The following CSNK1G1 variants were observed in gnomAD, a reference collection of about 807,000 sequenced individuals.
CSNK1G1 encodes casein kinase I isoform gamma-1.
A neutral mutation model predicts 59.6 loss-of-function variants in CSNK1G1; 22 were observed. The observed-to-expected ratio is 0.37, with a 90% CI of 0.26 to 0.53. The LOEUF (loss-of-function observed/expected upper bound fraction) is 0.53. CSNK1G1 is among the 20% of genes least tolerant of loss of function. CSNK1G1 has a pLI of 0.89. For synonymous variants in CSNK1G1, 179 were observed against 177.1 expected, an observed-to-expected ratio of 1.01 and a Z score of -0.08; for missense variants, 384 against 519.5, an observed-to-expected ratio of 0.74 and a Z score of 2.54.
intron 2 of CSNK1G1, among the ~76,000 whole-genome samples, chr15:64,266,369 C>T (rs933043138): frequency 2.6e-5 from 4 of 152,008 alleles, no homozygotes; most frequent in African/African-American, 9.7e-5. Flanking sequence ...AGCCACCACA[C>T]CCAGCCCCTG....
intron 3 of CSNK1G1, among the ~76,000 whole-genome samples, chr15:64,258,541 T>A (rs1386883237): frequency 6.6e-6 from 1 of 152,188 alleles, no homozygotes; most frequent in Non-Finnish European, 1.5e-5. Context: ...ACACAGAGTT[T>A]CAGTGAAACT....
intron 2 of CSNK1G1, among the ~76,000 whole-genome samples, chr15:64,300,016 C>A (rs1260955597): frequency 6.6e-6 from 1 of 152,116 alleles, no homozygotes; most frequent in Admixed American, 6.6e-5. Context: ...TGGGGCTCCA[C>A]CTCAGACATC....
chr15:64,238,524 T>A lies in CSNK1G1; in HGVS notation c.292+12988A>T, dbSNP rs866998693. Among the ~76,000 whole-genome samples the A allele has an allele frequency of 7.5e-3, 839 of 112,116 alleles. 2 individuals are homozygous for A. The highest frequency in any genetic ancestry group is 0.011 in the Non-Finnish European group (639 of 57,570). 73.6% of individuals were successfully genotyped at this position (112,116 alleles called of 152,430 possible). ...AAAAAAAAAAAAAAAAAAAAATATA[T>A]ATATATATATATATATATATGAAAA... On this transcript the variant is annotated intron_variant, in intron 4 of 11. Transcript: ENST00000303052.
chr15:64,306,534 T>C (rs935842384), intron 1 of CSNK1G1, among the ~76,000 whole-genome samples: 2 of 152,144 alleles, frequency 1.3e-5, no homozygotes, highest in Admixed American at 6.6e-5. Context: ...TCACTGCTGG[T>C]GAGAATGCAA....
chr15:64,205,012 G>T, intron 7 of CSNK1G1, 63 bp from the exon 8 acceptor site: 1 of 927,696 alleles, frequency 1.1e-6, no homozygotes, highest in Non-Finnish European at 1.7e-6. Flanking sequence ...GATTCAATAT[G>T]TTTTTGGACA....
intron 4 of CSNK1G1, among the ~76,000 whole-genome samples, chr15:64,243,122 G>A (rs1330749428): frequency 2.0e-5 from 3 of 152,092 alleles, no homozygotes; most frequent in Non-Finnish European, 2.9e-5. Context: ...CGGATCATGA[G>A]GTCAAGAGAT....
chr15:64,240,794 G>C (rs1370732812), intron 4 of CSNK1G1, among the ~76,000 whole-genome samples: 1 of 152,086 alleles, frequency 6.6e-6, no homozygotes, highest in Non-Finnish European at 1.5e-5. Context: ...AGAGAATCCT[G>C]CATCTGGAGG....
At chr15:64,195,391 G>A (rs578055964) in intron 10 of CSNK1G1, among the ~76,000 whole-genome samples, 5 of 152,290 alleles carry the variant, frequency 3.3e-5, no homozygotes, top group East Asian at 3.9e-4. Flanking sequence ...CAGAGAAAAA[G>A]GAGACGCTAT....
At chr15:64,346,422 TTTTATTTATTTATTTATTTA>T (rs140857936) in intron 1 of CSNK1G1, among the ~76,000 whole-genome samples, 76 of 137,512 alleles carry the variant, frequency 5.5e-4, no homozygotes, top group African/African-American at 5.7e-4. Flanking sequence ...GGAAACGAGT[TTTTATTTATTTATTTATTTA>T]TTTATTTATT....
chr15:64,240,365 G>T (rs187344650), intron 4 of CSNK1G1, among the ~76,000 whole-genome samples: 20 of 152,292 alleles, frequency 1.3e-4, no homozygotes, highest in Non-Finnish European at 1.5e-5. Flanking sequence ...AAAAGGCATA[G>T]AAAACCTATT....
At chr15:64,221,395 C>G (rs1020240264) in intron 4 of CSNK1G1, among the ~76,000 whole-genome samples, 45 of 152,110 alleles carry the variant, frequency 3.0e-4, no homozygotes, top group African/African-American at 9.4e-4. Flanking sequence ...TGAGTAATAT[C>G]TACAATTTCT....
Position 64,181,412 on chromosome 15 carries a change from T to A in CSNK1G1, c.1108-958A>T, listed in dbSNP as rs556501325. The A allele has an allele frequency of 3.2e-5, 49 of 1,531,916 alleles. No individual in the cohort carries two copies. The South Asian group carries it at 5.3e-4, about 17-fold the overall frequency. The allele number at this position is 1,531,916 out of a possible 1,614,324, so 94.9% of individuals were successfully genotyped here. On this transcript the variant is annotated intron_variant, in intron 10 of 11. Coordinates refer to ENST00000303052, the MANE Select transcript of CSNK1G1 (RefSeq NM_022048.5). ...GGCCTCACTGCTGGACAAAACACTC[T>A]GCTTGTTAAAGACCTTGGCTGAAAC...
chr15:64,179,605 T>C (rs1258589580), intron 11 of CSNK1G1, among the ~76,000 whole-genome samples: 1 of 152,184 alleles, frequency 6.6e-6, no homozygotes, highest in Non-Finnish European at 1.5e-5. Flanking sequence ...TAAATCTGGA[T>C]CTAAATTTGG....
chr15:64,198,496 T>C (rs1405886475), intron 10 of CSNK1G1, among the ~76,000 whole-genome samples: 1 of 152,002 alleles, frequency 6.6e-6, no homozygotes, highest in African/African-American at 2.4e-5. Context: ...GTGAGCCACC[T>C]TCCCTGGCCC....
At chr15:64,191,250 C>T (rs2081966868) in intron 10 of CSNK1G1, among the ~76,000 whole-genome samples, 1 of 152,020 alleles carries the variant, frequency 6.6e-6, no homozygotes, top group Non-Finnish European at 1.5e-5. Context: ...TTAGTAGAGA[C>T]GCGGTTTCCC....
chr15:64,188,541 A>C lies in CSNK1G1; in HGVS notation c.1108-8087T>G. The C allele has an allele frequency of 7.7e-7, 1 of 1,294,942 alleles. No homozygotes were observed. Among genetic ancestry groups the C allele is most frequent in the Non-Finnish European group, 1.1e-6 (1 of 932,404 alleles). 80.2% of individuals were successfully genotyped at this position (1,294,942 alleles called of 1,614,324 possible). ...GATATGGAAGGAAAGGTGAAGCAAC[A>C]GCAAGCAATAACAAAATCAAGTACA... On this transcript the variant is annotated intron_variant, in intron 10 of 11. Transcript: ENST00000303052. The surrounding 1 kb of genome is among the most constrained non-coding windows in gnomAD (Gnocchi z 4.2).
intron 1 of CSNK1G1, among the ~76,000 whole-genome samples, chr15:64,309,353 A>ACAC (rs1566942519): frequency 3.1e-5 from 4 of 130,648 alleles, no homozygotes; most frequent in African/African-American, 8.5e-5. Flanking sequence ...CACACACACA[A>ACAC]ATAAATGAGT....
At chr15:64,194,067 C>T (rs533218749) in intron 10 of CSNK1G1, 85 of 152,414 alleles carry the variant, frequency 5.6e-4, no homozygotes, top group African/African-American at 1.9e-3. Flanking sequence ...TGTTTCAAAG[C>T]TCCTCTCAGA....
chr15:64,304,474 A>G (rs1328315341), intron 1 of CSNK1G1, among the ~76,000 whole-genome samples: 1 of 151,978 alleles, frequency 6.6e-6, no homozygotes, highest in African/African-American at 2.4e-5. Flanking sequence ...AAGAAATTAA[A>G]GTTACTAAGT....
Sources: gnomAD v4.1 joint callset for allele counts (sites outside exome capture counted in the v4.1 genomes callset) on GRCh38, gnomAD v4.1.1 for gene constraint, Gnocchi (gnomAD v3.1) non-coding constraint, MANE v1.5 for transcripts, NCBI Gene and HGNC (gene_info 2026-07-23, HGNC 2026-07-21) for gene names.